IL23R: variants seen among roughly 807,000 people sequenced by gnomAD.
The protein encoded by IL23R is interleukin-23 receptor.
In IL23R, 34 loss-of-function variants were observed where a neutral mutation model predicts 56.9. The observed-to-expected ratio is 0.60, with a 90% confidence interval of 0.45 to 0.80. The LOEUF is 0.80. Among genes scored for constraint, IL23R ranks in the 30% least tolerant of loss-of-function variants. The probability of loss-of-function intolerance (pLI) is 0.00; values close to 1 mark genes in which losing one functional copy is unlikely to be tolerated. For missense variants in IL23R, 635 were observed against 730.0 expected (o/e 0.87, Z 1.50); for synonymous variants, 230 against 249.2 (o/e 0.92, Z 0.73).
chr1:67,244,806 A>G (rs1474442129), intron 9 of IL23R, among the ~76,000 whole-genome samples: 8 of 151,900 alleles, frequency 5.3e-5, no homozygotes, highest in Admixed American at 2.0e-4. Context: ...CTCTTTTTTG[A>G]TTCCATATGA....
At chr1:67,217,902 T>C (rs747200981) in intron 6 of IL23R, among the ~76,000 whole-genome samples, 1 of 151,714 alleles carries the variant, frequency 6.6e-6, no homozygotes, top group Non-Finnish European at 1.5e-5. Flanking sequence ...CCTCATTCTT[T>C]TTTTTTTTTA....
At chr1:67,237,066 G>A (rs976565940) in intron 8 of IL23R, among the ~76,000 whole-genome samples, 8 of 151,826 alleles carry the variant, frequency 5.3e-5, no homozygotes, top group Non-Finnish European at 7.4e-5. Context: ...TTTTTGAGAC[G>A]AAGCCTTGTT....
intron 4 of IL23R, among the ~76,000 whole-genome samples, chr1:67,198,642 CTACACTCAAAATCCTTCATGGGTT>C (rs1327572797): frequency 1.3e-5 from 2 of 152,166 alleles, no homozygotes; most frequent in African/African-American, 4.8e-5. Context: ...CCAGTCAGTT[CTACACTCAAAATCCTTCATGGGTT>C]GGGCGAGGTG....
chr1:67,215,271 A>G (rs1649758519), intron 6 of IL23R, among the ~76,000 whole-genome samples: 1 of 152,228 alleles, frequency 6.6e-6, no homozygotes, highest in Non-Finnish European at 1.5e-5. Context: ...GACATATAAC[A>G]ATAAACATTT....
intron 6 of IL23R, among the ~76,000 whole-genome samples, chr1:67,216,683 A>G (rs901123770): frequency 1.3e-5 from 2 of 151,986 alleles, no homozygotes; most frequent in Non-Finnish European, 2.9e-5. Context: ...GTCTTTTTTT[A>G]AAAAAAATTT....
At chr1:67,162,569 T>C (rs531946796), upstream of IL23R, among the ~76,000 whole-genome samples, 1 of 152,354 alleles carries the variant, frequency 6.6e-6, no homozygotes, top group African/African-American at 2.4e-5. Context: ...TGGGCTCAAA[T>C]ATCCCTGAAT....
rs370110833 is a variant in IL23R, at chr1:67,223,493, T to C, written c.955+3763T>C. Among the ~76,000 whole-genome samples, 42 of 152,308 alleles carry C rather than the reference T, an allele frequency of 2.8e-4. 1 individual carries two copies. The South Asian group carries it at 7.7e-3, about 28-fold the overall frequency. On this transcript the variant is annotated intron_variant, in intron 7 of 10. Coordinates refer to ENST00000347310, the MANE Select transcript of IL23R (RefSeq NM_144701.3). ...GTACAAATTCCCTTCTAAGACACAT[T>C]ACATGAGAAACAGTAAAAGTGTGTT...
intron 1 of IL23R, among the ~76,000 whole-genome samples, chr1:67,157,299 T>A (rs1201530208): frequency 6.6e-6 from 1 of 152,230 alleles, no homozygotes; most frequent in Non-Finnish European, 1.5e-5. Flanking sequence ...AAATTATTCA[T>A]TTCCTTCCCC....
chr1:67,250,534 G>A (rs1319570435), intron 9 of IL23R, among the ~76,000 whole-genome samples: 1 of 152,124 alleles, frequency 6.6e-6, no homozygotes, highest in Non-Finnish European at 1.5e-5. Context: ...TGACCTGAAA[G>A]CATTAGTAAA....
chr1:67,155,188 G>A (rs923912954), intron 1 of IL23R, among the ~76,000 whole-genome samples: 8 of 152,134 alleles, frequency 5.3e-5, no homozygotes, highest in African/African-American at 1.7e-4. Flanking sequence ...TCCCTTTGTA[G>A]GTGACCTGGC....
rs1409295814 is a variant in IL23R, at chr1:67,219,562, C to A, written c.799-12C>A. 3.1e-5 allele frequency: 50 copies of A among 1,611,628 alleles called. No individual in the cohort carries two copies. The highest frequency in any genetic ancestry group is 4.2e-5 in the Non-Finnish European group (50 of 1,178,362). On this transcript the variant is annotated splice_polypyrimidine_tract_variant and intron_variant, in intron 6 of 10. Coordinates refer to ENST00000347310, the MANE Select transcript of IL23R (RefSeq NM_144701.3). ...CACACCACATTTTATTATTGTTACC[C>A]ATCCATTTTAGGTTAAAGAATTTGA...
In IL23R at chr1:67,180,216, G is replaced by A. The variant is rs879051403; in HGVS notation, c.368-2620G>A. Among the ~76,000 whole-genome samples, 5 of 152,024 alleles carry A rather than the reference G, an allele frequency of 3.3e-5. No individual in the cohort carries two copies. In the East Asian group the frequency reaches 7.7e-4, roughly 23 times the overall value. ...TTGATCTGTCTAATGTTGACAGTGG[G>A]GTGTTAAAGTCTCCCATTATTATTG... On this transcript the variant is annotated intron_variant, in intron 3 of 10. Transcript: ENST00000347310.
Position 67,258,762 on chromosome 1 carries a change from A to C in IL23R, c.1524A>C (p.Thr508=). The part of the protein sequence containing the change: ...LSNNNEITSL[T]LKPPVDSLDS... ...ATAATAATGAAATTACTTCCTTAACACTTAAACCACCAGTTGATTCCTTAG... is the reference window on the plus strand; with the variant it reads ...ATAATAATGAAATTACTTCCTTAACCCTTAAACCACCAGTTGATTCCTTAG... Residue 508 remains threonine, a synonymous_variant, in exon 11 of 11, where the codon ACA becomes ACC. Coordinates refer to ENST00000347310, the MANE Select transcript of IL23R (RefSeq NM_144701.3). 6.2e-7 allele frequency: 1 copy of C among 1,611,536 alleles called. No individual in the cohort carries two copies. Among genetic ancestry groups the C allele is most frequent in the Middle Eastern group, 1.7e-4 (1 of 6,046 alleles).
At chr1:67,231,767 T>A (rs1651111852) in intron 7 of IL23R, 1 of 152,144 alleles carries the variant, frequency 6.6e-6, no homozygotes, top group South Asian at 2.1e-4. Flanking sequence ...CACCTGTAAT[T>A]CTAGCACTTT....
chr1:67,238,341 G>GAA (rs34475912), intron 8 of IL23R, among the ~76,000 whole-genome samples: 1,931 of 130,446 alleles, frequency 0.015, 20 homozygotes, highest in Non-Finnish European at 0.022. Flanking sequence ...CCTGTCTCAG[G>GAA]AAAAAAAAAA....
chr1:67,211,392 A>C (rs1649459196), intron 6 of IL23R, among the ~76,000 whole-genome samples: 1 of 152,176 alleles, frequency 6.6e-6, no homozygotes, highest in South Asian at 2.1e-4. Context: ...AGGCCAAGGC[A>C]GGCGGATCAC....
chr1:67,208,375 G>A (rs1001589033), intron 6 of IL23R, among the ~76,000 whole-genome samples: 4 of 152,194 alleles, frequency 2.6e-5, no homozygotes, highest in African/African-American at 7.2e-5. Context: ...GGCCACATCA[G>A]AGACCTTTAC....
chr1:67,164,921 C>T (rs1019211119), upstream of IL23R, among the ~76,000 whole-genome samples: 5 of 151,972 alleles, frequency 3.3e-5, no homozygotes, highest in Non-Finnish European at 2.9e-5. Flanking sequence ...ATCAAAACTA[C>T]AATGAGCTGG....
intron 1 of IL23R, among the ~76,000 whole-genome samples, chr1:67,157,404 A>G (rs936108401): frequency 1.3e-5 from 2 of 152,190 alleles, no homozygotes; most frequent in African/African-American, 4.8e-5. Flanking sequence ...CAGAATCTGT[A>G]GAATAAAATT....
Sources: allele counts gnomAD v4.1 joint callset (sites outside exome capture counted in the v4.1 genomes callset), GRCh38; gene constraint gnomAD v4.1.1; transcripts MANE v1.5; gene names NCBI Gene and HGNC (gene_info 2026-07-23, HGNC 2026-07-21).